PRDM7: variants seen among roughly 807,000 people sequenced by gnomAD.
PRDM7 encodes the protein histone-lysine N-methyltransferase PRDM7.
A neutral mutation model predicts 64.3 loss-of-function variants in PRDM7; 52 were observed. The observed-to-expected ratio is 0.81, with a 90% CI of 0.65 to 1.02. The LOEUF is 1.02. Among genes scored for constraint, PRDM7 ranks in the 50% least tolerant of loss-of-function variants. The pLI is 0.00. For missense variants in PRDM7, 574 were observed against 597.1 expected, an observed-to-expected ratio of 0.96 and a Z score of 0.40; for synonymous variants, 192 against 210.1, an observed-to-expected ratio of 0.91 and a Z score of 0.74.
rs748524019 is a variant in PRDM7 at position 90,056,772 on chromosome 16, C to A, written c.*1517G>T. ...ATGGTCAGAGTGGAACAGAACAGAC[C>A]GGGAAGTTTCACAATGTCTTTCTAT... On this transcript the variant is annotated 3_prime_UTR_variant, in exon 11 of 11. Transcript: ENST00000449207. The A allele has an allele frequency of 1.3e-5, 2 of 152,112 alleles. No homozygotes were observed. Among genetic ancestry groups the A allele is most frequent in the Non-Finnish European group, 2.9e-5 (2 of 68,044 alleles). The allele number at this position is 152,112 out of a possible 1,614,324, so 9.4% of individuals were successfully genotyped here. A position where few individuals can be genotyped will look rare whatever the true frequency, so the allele number is the denominator to read the frequency against.
rs188146219 is a variant in PRDM7 at position 90,070,530 on chromosome 16, G to A, written c.302-3620C>T. 2.3e-3 allele frequency among the ~76,000 whole-genome samples: 342 copies of A among 151,224 alleles called. 33 individuals carry two copies. The highest frequency in any genetic ancestry group is 8.3e-3 in the African/African-American group (337 of 40,638). ...ACCCGGGAGGTGGAGTTTGCAGTGA[G>A]CCGAGATTGCACCACTGAACTCCAG... On this transcript the variant is annotated intron_variant, in intron 4 of 10. Transcript: ENST00000449207.
Position 90,061,931 on chromosome 16 carries a change from T to G in PRDM7, c.872A>C (p.Tyr291Ser). The change falls in exon 8 of 11, where the codon TAT becomes TCT. Residue 291 changes from tyrosine (Y) to serine (S), a missense_variant. Physicochemically the swap from Tyr to Ser is moderately radical, Grantham distance 144 (BLOSUM62 -2). Transcript: ENST00000449207. Reference protein sequence around the residue: ...TEDEEAANSGYSWLITKGRNC... With the variant: ...TEDEEAANSGSSWLITKGRNC... ...GCAGGCTCTTCTTACTAGCCAGGAA[T>G]ATCCACTGTTGGCTGCCTCTTCGTC... 1 of 1,614,278 alleles carries G rather than the reference T, an allele frequency of 6.2e-7. No homozygotes were observed. The highest frequency in any genetic ancestry group is 8.5e-7 in the Non-Finnish European group (1 of 1,180,048).
At position 90,075,465 on chromosome 16, in the gene PRDM7, C is replaced by T. The variant is rs2038023002; in HGVS notation, c.79G>A (p.Ala27Thr). 6.2e-7 allele frequency: 1 copy of T among 1,614,190 alleles called. No homozygotes were observed. Among genetic ancestry groups the T allele is most frequent in the Non-Finnish European group, 8.5e-7 (1 of 1,180,024 alleles). The change falls in exon 3 of 11, where the codon GCC becomes ACC. Residue 27 changes from alanine (A) to threonine (T), a missense_variant. Transcript: ENST00000449207. The surrounding 1 kb of genome is among the most constrained non-coding windows in gnomAD (Gnocchi z 4.3). ...AAGTATATGGAAATGTCTTTGAAGG[C>T]ATCTTTGACCTAGAGGAAGTAACAG... ...RTERKPMVKD[A>T]FKDISIYFTK...
In PRDM7 at chr16:90,060,540, C is replaced by A; in HGVS notation, c.1034G>T (p.Arg345Leu). ...CAGTTCACAGCCTGGCCTAATGACT[C>A]GGCAGGTTCTATAGAAGATCTGCCT... The part of the protein sequence containing the change: ...YHRQIFYRTC[R>L]VIRPGCELLV... Residue 345 changes from arginine to leucine, a missense_variant, in exon 10 of 11, where the codon CGA becomes CTA. Transcript: ENST00000449207. The A allele has an allele frequency of 6.2e-7, 1 of 1,613,986 alleles. No homozygotes were observed. The highest frequency in any genetic ancestry group is 8.5e-7 in the Non-Finnish European group (1 of 1,179,938).
chr16:90,072,689 C>T lies in PRDM7; in HGVS notation c.301+2227G>A, dbSNP rs78551914. On this transcript the variant is annotated intron_variant, in intron 4 of 10. Coordinates refer to ENST00000449207, the MANE Select transcript of PRDM7 (RefSeq NM_001098173.2). ...TGTGCATACAGTTAATAAAGTTGTA[C>T]GCTTAAAAATTGTTAGAAGAGTAAA... Among the ~76,000 whole-genome samples, 708 of 152,144 alleles carry T rather than the reference C, an allele frequency of 4.7e-3. 3 individuals carry two copies. Among genetic ancestry groups the T allele is most frequent in the South Asian group, 0.01 (49 of 4,826 alleles).
At chr16:90,062,668 C>A (rs1290557525) in intron 6 of PRDM7, among the ~76,000 whole-genome samples, 166 bp from the exon 7 acceptor site, 1 of 152,234 alleles carries the variant, frequency 6.6e-6, no homozygotes, top group Non-Finnish European at 1.5e-5. Context: ...CACACCCACA[C>A]TGACTGTAGA....
chr16:90,066,557 A>G (rs552160343), intron 5 of PRDM7, among the ~76,000 whole-genome samples: 2 of 151,298 alleles, frequency 1.3e-5, no homozygotes, highest in East Asian at 3.9e-4. Context: ...AACCTGTAAA[A>G]TGGCTATAGT....
chr16:90,075,038 A>C lies in PRDM7; in HGVS notation c.194-15T>G, dbSNP rs181674183. ...GGCTCTGAGACCTGAAAAGAAGCAA[A>C]AAATTTTGCTCTGAAACGGAAGAGC... On this transcript the variant is annotated splice_polypyrimidine_tract_variant and intron_variant, in intron 3 of 10. Transcript: ENST00000449207. The surrounding 1 kb of genome is among the most constrained non-coding windows in gnomAD (Gnocchi z 4.3). 678 of 1,614,066 alleles carry C rather than the reference A, an allele frequency of 4.2e-4. 1 individual carries two copies. The African/African-American group carries it at 7.6e-3, about 18-fold the overall frequency.
intron 9 of PRDM7, 39 bp downstream of exon 9, chr16:90,061,413 G>A: frequency 6.5e-7 from 1 of 1,535,484 alleles, no homozygotes; most frequent in South Asian, 1.1e-5. Flanking sequence ...TGTGAGAGAT[G>A]GAGGTTCTCT....
At chr16:90,072,880 C>G (rs1358905626) in intron 4 of PRDM7, among the ~76,000 whole-genome samples, 1 of 152,152 alleles carries the variant, frequency 6.6e-6, no homozygotes, top group Non-Finnish European at 1.5e-5. Context: ...CAAACGCTGG[C>G]CTTTCATTCC....
Position 90,058,136 on chromosome 16 carries a change from C to A in PRDM7, c.*153G>T. The A allele has an allele frequency of 6.2e-7, 1 of 1,614,202 alleles. No individual in the cohort carries two copies. The highest frequency in any genetic ancestry group is 1.1e-5 in the South Asian group (1 of 91,078). On this transcript the variant is annotated 3_prime_UTR_variant, in exon 11 of 11. Transcript: ENST00000449207. ...TTCGCAATTCTTGAGATTCCTACCC[C>A]CACAAATAATTTGCCTGTGTTCCCT...
chr16:90,069,029 C>T (rs2037919770), intron 4 of PRDM7, among the ~76,000 whole-genome samples: 1 of 151,200 alleles, frequency 6.6e-6, no homozygotes, highest in Non-Finnish European at 1.5e-5. Flanking sequence ...CATATAGAAT[C>T]TCTAAGGACC....
In PRDM7 at chr16:90,062,032, C is replaced by A; in HGVS notation, c.771G>T (p.Gly257=). 1.2e-6 allele frequency: 2 copies of A among 1,614,264 alleles called. No individual in the cohort carries two copies. The highest frequency in any genetic ancestry group is 8.5e-7 in the Non-Finnish European group (1 of 1,180,052). The change falls in exon 8 of 11, where the codon GGG becomes GGT. Residue 257 remains glycine, a synonymous_variant. Transcript: ENST00000449207. ...CAGATGCCTCGTTCCATACTCCAAG[C>A]CCAGCCTGAGGGATGCCTGATGGCC... ...RIGPSGIPQA[G]LGVWNEASDL...
intron 4 of PRDM7, among the ~76,000 whole-genome samples, chr16:90,069,741 CA>C (rs944404794): frequency 2.7e-5 from 4 of 150,438 alleles, no homozygotes; most frequent in African/African-American, 9.9e-5. Context: ...ACCTCTGTCT[CA>C]AAAAAAAGAA....
intron 8 of PRDM7, among the ~76,000 whole-genome samples, 198 bp from the exon 9 acceptor site, chr16:90,061,717 C>T (rs1171163117): frequency 6.6e-6 from 1 of 152,222 alleles, no homozygotes. Flanking sequence ...AGGGAGGATG[C>T]ACTTCTTTGT....
At chr16:90,065,150 C>G (rs2037849865) in intron 5 of PRDM7, among the ~76,000 whole-genome samples, 2 of 149,892 alleles carry the variant, frequency 1.3e-5, no homozygotes, top group Non-Finnish European at 3.0e-5. Flanking sequence ...ACCTGTAATC[C>G]CAGCACTTTG....
chr16:90,057,799 T>C lies in PRDM7; in HGVS notation c.*490A>G, dbSNP rs958102697. 13 of 1,380,968 alleles carry C rather than the reference T, an allele frequency of 9.4e-6. No homozygotes were observed. The highest frequency in any genetic ancestry group is 1.3e-5 in the Non-Finnish European group (13 of 1,037,190). The allele number at this position is 1,380,968 out of a possible 1,614,324, so 85.5% of individuals were successfully genotyped here. A position where few individuals can be genotyped will look rare whatever the true frequency, so the allele number is the denominator to read the frequency against. ...CAAGTGTGTGGTGATCACGTTTGTC[T>C]TCTTGTGGCTATTGAGATAAGGTTT... On this transcript the variant is annotated 3_prime_UTR_variant, in exon 11 of 11. Transcript: ENST00000449207.
At position 90,059,242 on chromosome 16, in the gene PRDM7, A is replaced by T. The variant is rs1398403168; in HGVS notation, c.1234-708T>A. 4.6e-5 allele frequency among the ~76,000 whole-genome samples: 7 copies of T among 152,256 alleles called. 1 individual carries two copies. The South Asian group carries it at 1.2e-3, about 27-fold the overall frequency. ...GGGTCCTGCTGCGCCAACTAGGTGC[A>T]TGGACTGCTTCTGTTTCAGATTCCA... On this transcript the variant is annotated intron_variant, in intron 10 of 10. Coordinates refer to ENST00000449207, the MANE Select transcript of PRDM7 (RefSeq NM_001098173.2).
chr16:90,069,221 A>G (rs1397748236), intron 4 of PRDM7, among the ~76,000 whole-genome samples: 1 of 151,196 alleles, frequency 6.6e-6, no homozygotes, highest in Non-Finnish European at 1.5e-5. Context: ...ATATGGTCAA[A>G]TGATCTTCAG....
Sources: allele counts gnomAD v4.1 joint callset (sites outside exome capture counted in the v4.1 genomes callset), GRCh38; gene constraint gnomAD v4.1.1; non-coding constraint Gnocchi (gnomAD v3.1); transcripts MANE v1.5; gene names NCBI Gene and HGNC (gene_info 2026-07-23, HGNC 2026-07-21).